The following KCNQ1 variants were observed in gnomAD, a reference collection of about 807,000 sequenced individuals.
KCNQ1 encodes the protein potassium voltage-gated channel subfamily Q member 1, also known as potassium voltage-gated channel subfamily KQT member 1.
In KCNQ1, 49 loss-of-function variants were observed where a neutral mutation model predicts 72.4. That is an observed-to-expected ratio of 0.68 (90% CI 0.54 to 0.86). KCNQ1 has a LOEUF of 0.86. Among genes scored for constraint, KCNQ1 ranks in the 40% least tolerant of loss-of-function variants. KCNQ1 has a pLI of 0.00. For missense variants in KCNQ1, 790 were observed against 945.1 expected (o/e 0.84, Z 2.15); for synonymous variants, 450 against 412.6 (o/e 1.09, Z -1.10).
At chr11:2,596,177 T>C (rs1462830877) in intron 10 of KCNQ1, among the ~76,000 whole-genome samples, 1 of 152,232 alleles carries the variant, frequency 6.6e-6, no homozygotes, top group Non-Finnish European at 1.5e-5. Flanking sequence ...AGATGGATGA[T>C]ACCAAGTGTT....
At chr11:2,821,037 G>A (rs914572537) in intron 15 of KCNQ1, among the ~76,000 whole-genome samples, 2 of 152,216 alleles carry the variant, frequency 1.3e-5, no homozygotes, top group Non-Finnish European at 2.9e-5. Context: ...TTTTGCAGCT[G>A]CCTGAACCTC....
intron 2 of KCNQ1, among the ~76,000 whole-genome samples, chr11:2,548,546 G>C (rs1011228302): frequency 1.3e-5 from 2 of 152,150 alleles, no homozygotes; most frequent in Non-Finnish European, 1.5e-5. Flanking sequence ...TGGGGGTGGG[G>C]GGACACGTTT....
In KCNQ1 at chr11:2,482,190, GTGTGTGTGTGTGTATA is replaced by G. The variant is rs1193752335; in HGVS notation, c.386+36719_386+36734del. Among the ~76,000 whole-genome samples the G allele has an allele frequency of 6.6e-6, 1 of 151,450 alleles. No homozygotes were observed. The highest frequency in any genetic ancestry group is 2.1e-4 in the South Asian group (1 of 4,806). ...TGAGCAGGGTAACCCCTATCACTGC[GTGTGTGTGTGTGTATA>G]TGTGTGTGTGTGCATACTTGCCTAT... is the stretch of plus-strand genomic sequence containing the variant. On this transcript the variant is annotated intron_variant, in intron 1 of 15. Coordinates refer to ENST00000155840, the MANE Select transcript of KCNQ1 (RefSeq NM_000218.3). The surrounding 1 kb of genome is among the most constrained non-coding windows in gnomAD (Gnocchi z 5.7).
intron 1 of KCNQ1, among the ~76,000 whole-genome samples, chr11:2,527,567 C>T (rs561359903): frequency 2.6e-5 from 4 of 152,334 alleles, no homozygotes; most frequent in South Asian, 4.1e-4. Context: ...ACAGCAGTCC[C>T]GCCCTGGGGC....
At chr11:2,741,724 G>C (rs574481611) in intron 11 of KCNQ1, among the ~76,000 whole-genome samples, 9 of 152,214 alleles carry the variant, frequency 5.9e-5, no homozygotes, top group African/African-American at 1.9e-4. Flanking sequence ...AGCTGTGCTC[G>C]GGCCGGAGCA....
chr11:2,539,292 A>G (rs1847784931), intron 2 of KCNQ1, among the ~76,000 whole-genome samples: 1 of 152,220 alleles, frequency 6.6e-6, no homozygotes, highest in Admixed American at 6.5e-5. Context: ...ATGGCCAGGT[A>G]GAAGCTCCTA....
chr11:2,610,183 G>GTGTT, intron 10 of KCNQ1: 2 of 397,268 alleles, frequency 5.0e-6, no homozygotes, highest in East Asian at 7.2e-5. Flanking sequence ...TTTGTTATTA[G>GTGTT]TGTTTGCTCT....
intron 2 of KCNQ1, among the ~76,000 whole-genome samples, chr11:2,534,757 G>C (rs1847701585): frequency 6.6e-6 from 1 of 152,236 alleles, no homozygotes; most frequent in African/African-American, 2.4e-5. Context: ...AGGCCACTCT[G>C]AGGCTTCAGA....
chr11:2,721,393 G>A (rs1286774382), intron 11 of KCNQ1, among the ~76,000 whole-genome samples: 4 of 152,328 alleles, frequency 2.6e-5, no homozygotes, highest in Middle Eastern at 3.4e-3. Flanking sequence ...TAGCGAGGCC[G>A]CTGTTCCCAG....
At position 2,624,079 on chromosome 11, in the gene KCNQ1, G is replaced by A. The variant is rs1849222696; in HGVS notation, c.1393+35225G>A. The A allele has an allele frequency of 2.5e-6, 1 of 398,562 alleles. No homozygotes were observed. Among genetic ancestry groups the A allele is most frequent in the Non-Finnish European group, 4.4e-6 (1 of 226,192 alleles). 24.7% of individuals were successfully genotyped at this position (398,562 alleles called of 1,614,324 possible). On this transcript the variant is annotated intron_variant, in intron 10 of 15. Transcript: ENST00000155840. The surrounding 1 kb of genome is among the most constrained non-coding windows in gnomAD (Gnocchi z 4.9). The stretch of plus-strand genomic sequence containing the variant: ...TTGCCCCACATATTGGCAAGTATTT[G>A]GTATTGTCAGTGTTTTGAATTTTGG...
At chr11:2,689,560 T>C (rs1850555212) in intron 11 of KCNQ1, 1 of 398,512 alleles carries the variant, frequency 2.5e-6, no homozygotes, top group African/African-American at 2.1e-5. Context: ...ACAGAATGAA[T>C]GATGTGGAAA....
At position 2,495,802 on chromosome 11, in the gene KCNQ1, A is replaced by G. The variant is rs1427495439; in HGVS notation, c.387-32126A>G. On this transcript the variant is annotated intron_variant, in intron 1 of 15. Transcript: ENST00000155840. The surrounding 1 kb of genome is among the most constrained non-coding windows in gnomAD (Gnocchi z 4.6). ...TAAGTGCTATGTGATGCTGAGAACA[A>G]TGTACATTCTCTTGATTTGGGGTGG... 1.3e-5 allele frequency among the ~76,000 whole-genome samples: 2 copies of G among 152,200 alleles called. No homozygotes were observed. Among genetic ancestry groups the G allele is most frequent in the Non-Finnish European group, 2.9e-5 (2 of 68,040 alleles).
rs1847150808 is a variant in KCNQ1, at chr11:2,509,077, T to C, written c.387-18851T>C. ...GCTATTGCTCAGGGTGAAATAGAGG[T>C]CTTGAAATTAGTACAACACATGCCC... is the stretch of plus-strand genomic sequence containing the variant. On this transcript the variant is annotated intron_variant, in intron 1 of 15. Coordinates refer to ENST00000155840, the MANE Select transcript of KCNQ1 (RefSeq NM_000218.3). The surrounding 1 kb of genome is among the most constrained non-coding windows in gnomAD (Gnocchi z 6.3). Among the ~76,000 whole-genome samples the C allele has an allele frequency of 6.6e-6, 1 of 152,046 alleles. No individual in the cohort carries two copies. Among genetic ancestry groups the C allele is most frequent in the South Asian group, 2.1e-4 (1 of 4,818 alleles).
At chr11:2,555,520 G>A (rs973412598) in intron 2 of KCNQ1, among the ~76,000 whole-genome samples, 1 of 152,248 alleles carries the variant, frequency 6.6e-6, no homozygotes, top group South Asian at 2.1e-4. Context: ...CCAGGCGTGG[G>A]CGTCTCCGGG....
At position 2,644,980 on chromosome 11, in the gene KCNQ1, T is replaced by C. The variant is rs529421641; in HGVS notation, c.1394-16981T>C. On this transcript the variant is annotated intron_variant, in intron 10 of 15. Coordinates refer to ENST00000155840, the MANE Select transcript of KCNQ1 (RefSeq NM_000218.3). ...TGCTTATCCTTGGGCCCAATGGTAG[T>C]GTATGCTGGTACCAGTGTTAGCAAG... is the stretch of plus-strand genomic sequence containing the variant. The C allele has an allele frequency of 1.0e-4, 40 of 398,534 alleles. No homozygotes were observed. The South Asian group carries it at 1.8e-3, about 18-fold the overall frequency. 24.7% of individuals were successfully genotyped at this position (398,534 alleles called of 1,614,324 possible). A position where few individuals can be genotyped will look rare whatever the true frequency, so the allele number is the denominator to read the frequency against.
At chr11:2,820,487 C>T (rs556516179) in intron 15 of KCNQ1, among the ~76,000 whole-genome samples, 5 of 152,002 alleles carry the variant, frequency 3.3e-5, no homozygotes, top group East Asian at 1.9e-4. Flanking sequence ...TGTGTGGAGG[C>T]GGTGGAGTCT....
chr11:2,694,498 T>G, intron 11 of KCNQ1: 1 of 398,660 alleles, frequency 2.5e-6, no homozygotes, highest in Non-Finnish European at 4.4e-6. Flanking sequence ...ATTACCAGTG[T>G]GGCTGGCTAA....
chr11:2,586,562 AG>A (rs979645563), intron 8 of KCNQ1, among the ~76,000 whole-genome samples: 3 of 152,100 alleles, frequency 2.0e-5, no homozygotes, highest in Admixed American at 2.0e-4. Flanking sequence ...GGACTGGAGT[AG>A]GGGCCCCAGG....
chr11:2,726,892 C>T (rs1486374290), intron 11 of KCNQ1, among the ~76,000 whole-genome samples: 1 of 152,194 alleles, frequency 6.6e-6, no homozygotes, highest in African/African-American at 2.4e-5. Flanking sequence ...CAGCAGAACA[C>T]TTGAAGCCCA....
Sources: allele counts gnomAD v4.1 joint callset (sites outside exome capture counted in the v4.1 genomes callset), GRCh38; gene constraint gnomAD v4.1.1; non-coding constraint Gnocchi (gnomAD v3.1); transcripts MANE v1.5; gene names NCBI Gene and HGNC (gene_info 2026-07-23, HGNC 2026-07-21).